CTNNA1: variants seen among roughly 807,000 people sequenced by gnomAD.
The protein encoded by CTNNA1 is catenin alpha-1.
Under a neutral mutation model 98.4 loss-of-function variants are expected in CTNNA1, and 37 were observed. That is an observed-to-expected ratio of 0.38 (90% confidence interval 0.29 to 0.49). CTNNA1 has a LOEUF of 0.49. Ranked by LOEUF, CTNNA1 falls within the 20% of genes least tolerant of loss-of-function variation. CTNNA1 has a pLI of 0.95. For missense variants in CTNNA1, 761 were observed against 1,147.2 expected (o/e 0.66, Z 4.86); for synonymous variants, 404 against 413.2 (o/e 0.98, Z 0.27).
chr5:138,770,598 C>T (rs926173988), intron 1 of CTNNA1, among the ~76,000 whole-genome samples: 1 of 152,190 alleles, frequency 6.6e-6, no homozygotes, highest in Non-Finnish European at 1.5e-5. Context: ...CTCTCTTCCT[C>T]CAGATACTCA....
At chr5:138,855,107 C>T (rs933543796) in intron 7 of CTNNA1, among the ~76,000 whole-genome samples, 7 of 152,314 alleles carry the variant, frequency 4.6e-5, no homozygotes, top group South Asian at 4.1e-4. Flanking sequence ...AGCGCGATCT[C>T]GGCTCACTGC....
intron 3 of CTNNA1, among the ~76,000 whole-genome samples, chr5:138,793,275 T>A (rs1756571922): frequency 6.6e-6 from 1 of 152,234 alleles, no homozygotes; most frequent in African/African-American, 2.4e-5. Flanking sequence ...TATAAGTCTT[T>A]AGGGCAGAGG....
chr5:138,931,677 C>A, intron 16 of CTNNA1: 1 of 985,460 alleles, frequency 1.0e-6, no homozygotes, highest in Non-Finnish European at 1.2e-6. Flanking sequence ...TGTGGCCGCT[C>A]CCGATTTCCT....
At chr5:138,798,411 T>C (rs1351480187) in intron 3 of CTNNA1, among the ~76,000 whole-genome samples, 2 of 152,232 alleles carry the variant, frequency 1.3e-5, no homozygotes, top group African/African-American at 2.4e-5. Flanking sequence ...GAAGTAGTTA[T>C]ATTCATTAAC....
At chr5:138,789,899 G>A (rs190061696) in intron 3 of CTNNA1, among the ~76,000 whole-genome samples, 2 of 152,316 alleles carry the variant, frequency 1.3e-5, no homozygotes, top group Admixed American at 6.5e-5. Context: ...GCTCTTTCCA[G>A]TATTGGTTTG....
intron 9 of CTNNA1, among the ~76,000 whole-genome samples, chr5:138,902,795 A>C (rs1231729090): frequency 6.6e-6 from 1 of 152,200 alleles, no homozygotes; most frequent in Non-Finnish European, 1.5e-5. Context: ...GTTGTTCAAA[A>C]TGTCGTCTTA....
intron 7 of CTNNA1, among the ~76,000 whole-genome samples, chr5:138,881,721 C>T (rs770364757): frequency 6.6e-6 from 1 of 152,024 alleles, no homozygotes; most frequent in Non-Finnish European, 1.5e-5. Flanking sequence ...AGCTTCAATG[C>T]TGATTCTTAT....
At chr5:138,827,821 C>G in intron 7 of CTNNA1, 103 bp downstream of exon 7, 2 of 1,377,446 alleles carry the variant, frequency 1.5e-6, no homozygotes, top group Admixed American at 2.2e-5. Context: ...CAAATATGTC[C>G]TTGACTCCTT....
At chr5:138,924,975 G>C (rs895731183) in intron 12 of CTNNA1, among the ~76,000 whole-genome samples, 5 of 152,206 alleles carry the variant, frequency 3.3e-5, no homozygotes, top group Non-Finnish European at 4.4e-5. Flanking sequence ...TCCTATTAGT[G>C]AGTAAAGACT....
Position 138,934,136 on chromosome 5 carries a change from AGT to A in CTNNA1, c.*48_*49del, listed in dbSNP as rs1766042886. 1 of 1,444,616 alleles carries A rather than the reference AGT, an allele frequency of 6.9e-7. No homozygotes were observed. Among genetic ancestry groups the A allele is most frequent in the Admixed American group, 1.8e-5 (1 of 56,944 alleles). 89.5% of individuals were successfully genotyped at this position (1,444,616 alleles called of 1,614,324 possible). ...CCACCCCTCGGGGCTCCTGAATATCAGTCACTGTTCGTCACTCAAATGAATTT... is the reference window on the plus strand; with the variant it reads ...CCACCCCTCGGGGCTCCTGAATATCACACTGTTCGTCACTCAAATGAATTT... On this transcript the variant is annotated 3_prime_UTR_variant, in exon 18 of 18. Transcript: ENST00000302763.
Position 138,766,951 on chromosome 5 carries a change from C to G in CTNNA1, c.-3+13441C>G, listed in dbSNP as rs78686795. Among the ~76,000 whole-genome samples the G allele has an allele frequency of 3.2e-4, 49 of 152,212 alleles. No individual in the cohort carries two copies. In the East Asian group the frequency reaches 6.9e-3, roughly 22 times the overall value. On this transcript the variant is annotated intron_variant, in intron 1 of 17. Transcript: ENST00000302763. ...GTGTTGCTCAAGTAGTTGTTATGAA[C>G]AGTAAGAATACAGTGGGTCCAAATA...
intron 5 of CTNNA1, among the ~76,000 whole-genome samples, chr5:138,819,041 T>C (rs1377206059): frequency 6.8e-6 from 1 of 147,474 alleles, no homozygotes; most frequent in African/African-American, 2.5e-5. Flanking sequence ...GATTCTTTCC[T>C]TAGGGGGCAG....
chr5:138,775,013 A>G (rs1567313), intron 1 of CTNNA1, among the ~76,000 whole-genome samples: 103,506 of 152,198 alleles, frequency 0.68, 35,447 homozygotes, highest in East Asian at 0.93. Context: ...CAAGAAAAAA[A>G]TGAAAGTCTT....
chr5:138,916,792 GACA>G lies in CTNNA1; in HGVS notation c.1390-945_1390-943del, dbSNP rs201975866. Among the ~76,000 whole-genome samples the G allele has an allele frequency of 3.1e-3, 452 of 146,648 alleles. 3 individuals carry two copies. Among genetic ancestry groups the G allele is most frequent in the African/African-American group, 0.01 (415 of 39,668 alleles). ...ATTATTTTATTTATTTTTTTTTTGAGACAACAAGTTTCACTCTTGTTGCCCAGG... is the reference window on the plus strand; with the variant it reads ...ATTATTTTATTTATTTTTTTTTTGAGACAAGTTTCACTCTTGTTGCCCAGG... On this transcript the variant is annotated intron_variant, in intron 10 of 17. Coordinates refer to ENST00000302763, the MANE Select transcript of CTNNA1 (RefSeq NM_001903.5).
chr5:138,816,671 T>G (rs1215836905), intron 5 of CTNNA1, among the ~76,000 whole-genome samples: 1 of 152,152 alleles, frequency 6.6e-6, no homozygotes, highest in Non-Finnish European at 1.5e-5. Context: ...CATTTGTATG[T>G]CTTCTTTTGA....
At chr5:138,896,492 C>T (rs894795080) in intron 9 of CTNNA1, among the ~76,000 whole-genome samples, 3 of 152,196 alleles carry the variant, frequency 2.0e-5, no homozygotes, top group Non-Finnish European at 4.4e-5. Flanking sequence ...CCTCATACTG[C>T]ACTTCTCAGT....
intron 9 of CTNNA1, among the ~76,000 whole-genome samples, chr5:138,904,068 G>A (rs759745890): frequency 1.9e-4 from 29 of 152,224 alleles, no homozygotes; most frequent in African/African-American, 3.1e-4. Context: ...CTGTTCAGGC[G>A]GGTTAGAGGC....
chr5:138,772,179 G>T (rs955944991), intron 1 of CTNNA1, among the ~76,000 whole-genome samples: 1 of 152,186 alleles, frequency 6.6e-6, no homozygotes, highest in Non-Finnish European at 1.5e-5. Flanking sequence ...TCTTTCTGTT[G>T]TAGATTGCTA....
At chr5:138,769,081 T>C (rs825677) in intron 1 of CTNNA1, among the ~76,000 whole-genome samples, 112,706 of 151,914 alleles carry the variant, frequency 0.74, 42,066 homozygotes, top group East Asian at 0.99. Flanking sequence ...TTTGTAGAGA[T>C]GAGGTCTTCC....
Sources: allele counts gnomAD v4.1 joint callset (sites outside exome capture counted in the v4.1 genomes callset), GRCh38; gene constraint gnomAD v4.1.1; transcripts MANE v1.5; gene names NCBI Gene and HGNC (gene_info 2026-07-23, HGNC 2026-07-21).